DDX46: variants seen among roughly 807,000 people sequenced by gnomAD.
DDX46 encodes the protein DEAD-box helicase 46, also known as probable ATP-dependent RNA helicase DDX46.
In DDX46, 30 loss-of-function variants were observed where a neutral mutation model predicts 134.9. The observed-to-expected ratio is 0.22, with a 90% CI of 0.17 to 0.30. DDX46 has a LOEUF of 0.30. Among genes scored for constraint, DDX46 ranks in the 10% least tolerant of loss-of-function variants. The pLI, the probability that DDX46 is intolerant of heterozygous loss-of-function variation, is 1.00. For missense variants in DDX46, 622 were observed against 1,248.7 expected (o/e 0.50, Z 7.56); for synonymous variants, 415 against 404.1 (o/e 1.03, Z -0.32).
rs540366500 is a variant in DDX46 at position 134,796,223 on chromosome 5, ATACT to A, written c.1954+79_1954+82del. On this transcript the variant is annotated intron_variant, in intron 15 of 22. Transcript: ENST00000452510. Reference sequence around the variant, plus strand: ...CAAGCATTGTGCTGTGTTCTCGATGATACTTACTTTGTTCTCTATAATTCAGAAC... The same window carrying A: ...CAAGCATTGTGCTGTGTTCTCGATGATACTTTGTTCTCTATAATTCAGAAC... The A allele has an allele frequency of 2.1e-4, 316 of 1,508,808 alleles. No homozygotes were observed. The African/African-American group carries it at 3.0e-3, about 14-fold the overall frequency. 93.5% of individuals were successfully genotyped at this position (1,508,808 alleles called of 1,614,324 possible). A position where few individuals can be genotyped will look rare whatever the true frequency, so the allele number is the denominator to read the frequency against.
At chr5:134,765,381 T>TAAA (rs751912543) in intron 2 of DDX46, among the ~76,000 whole-genome samples, 3 of 97,290 alleles carry the variant, frequency 3.1e-5, no homozygotes, top group Admixed American at 1.1e-4. Context: ...CCGTCTCTAC[T>TAAA]AAAAAAAAAA....
At chr5:134,770,492 G>C (rs1211208120) in intron 3 of DDX46, among the ~76,000 whole-genome samples, 1 of 152,078 alleles carries the variant, frequency 6.6e-6, no homozygotes, top group Non-Finnish European at 1.5e-5. Flanking sequence ...GGGTATATAA[G>C]TGTGAGGCAC....
chr5:134,805,039 C>T, intron 15 of DDX46: 1 of 358,842 alleles, frequency 2.8e-6, no homozygotes, highest in South Asian at 2.6e-5. Flanking sequence ...TAAAGGTAAA[C>T]AATTCTATTA....
chr5:134,823,717 G>A (rs1413962424), intron 21 of DDX46, among the ~76,000 whole-genome samples: 1 of 152,112 alleles, frequency 6.6e-6, no homozygotes, highest in African/African-American at 2.4e-5. Flanking sequence ...TAGTGAAATG[G>A]GGATTGCTGA....
At chr5:134,811,906 T>C in intron 18 of DDX46, 61 bp downstream of exon 18, 1 of 1,557,948 alleles carries the variant, frequency 6.4e-7, no homozygotes, top group Non-Finnish European at 8.7e-7. Flanking sequence ...ACTGGAGGTC[T>C]TGCCATATAT....
rs1755664680 is a variant in DDX46 at position 134,828,989 on chromosome 5, A to G, written c.*283A>G. 1 of 241,658 alleles carries G rather than the reference A, an allele frequency of 4.1e-6. No homozygotes were observed. Among genetic ancestry groups the G allele is most frequent in the South Asian group, 1.8e-4 (1 of 5,650 alleles). The allele number at this position is 241,658 out of a possible 1,614,324, so 15.0% of individuals were successfully genotyped here. On this transcript the variant is annotated 3_prime_UTR_variant, in exon 23 of 23. Transcript: ENST00000452510. The stretch of plus-strand genomic sequence containing the variant: ...CGGATAATATTCTAGAGGTTTAAAA[A>G]ATGGAAATATTTGAACTTTCTATTG...
chr5:134,802,159 C>CTTTTT (rs542615882), intron 15 of DDX46, among the ~76,000 whole-genome samples: 242 of 73,088 alleles, frequency 3.3e-3, no homozygotes, highest in Non-Finnish European at 4.0e-3. Context: ...TAATTTCTTT[C>CTTTTT]TTTTTTTTTT....
chr5:134,764,547 T>A (rs1173861447), intron 2 of DDX46, among the ~76,000 whole-genome samples: 1 of 152,150 alleles, frequency 6.6e-6, no homozygotes, highest in East Asian at 1.9e-4. Context: ...CCTCCCAAAG[T>A]GCTGGGATTA....
At position 134,787,703 on chromosome 5, in the gene DDX46, T is replaced by C. The variant is rs555310039; in HGVS notation, c.1465-810T>C. Reference sequence around the variant, plus strand: ...GACTTCTGGTATTTTCCATTCCATTTCATTTAAAAAATGCTGGTTGTGGTT... The same window carrying C: ...GACTTCTGGTATTTTCCATTCCATTCCATTTAAAAAATGCTGGTTGTGGTT... On this transcript the variant is annotated intron_variant, in intron 11 of 22. Transcript: ENST00000452510. Among the ~76,000 whole-genome samples, 7 of 152,314 alleles carry C rather than the reference T, an allele frequency of 4.6e-5. No individual in the cohort carries two copies. The South Asian group carries it at 8.3e-4, about 18-fold the overall frequency.
At chr5:134,765,259 A>G (rs551601123) in intron 2 of DDX46, among the ~76,000 whole-genome samples, 3 of 151,530 alleles carry the variant, frequency 2.0e-5, no homozygotes, top group East Asian at 3.9e-4. Flanking sequence ...AATAGTGACA[A>G]AGTTGGCCAG....
chr5:134,781,790 A>T lies in DDX46; in HGVS notation c.880-131A>T, dbSNP rs1754162695. On this transcript the variant is annotated intron_variant, in intron 7 of 22. Transcript: ENST00000452510. ...ACTATAAAAATCTTGTGGGTCAAAC[A>T]GTGTGTCGTAGAAAGTAAAATATTA... is the stretch of plus-strand genomic sequence containing the variant. 8 of 845,190 alleles carry T rather than the reference A, an allele frequency of 9.5e-6. No individual in the cohort carries two copies. The Admixed American group carries it at 2.7e-4, about 29-fold the overall frequency. 52.4% of individuals were successfully genotyped at this position (845,190 alleles called of 1,614,324 possible).
chr5:134,802,282 A>G (rs562408301), intron 15 of DDX46, among the ~76,000 whole-genome samples: 181 of 148,766 alleles, frequency 1.2e-3, no homozygotes, highest in Admixed American at 2.4e-3. Flanking sequence ...TTTGTGCCTC[A>G]GCCTCCTGAG....
intron 13 of DDX46, among the ~76,000 whole-genome samples, chr5:134,794,350 A>C (rs2150147944): frequency 6.6e-6 from 1 of 152,262 alleles, no homozygotes; most frequent in African/African-American, 2.4e-5. Context: ...GAAGTTGCAA[A>C]CCTTCTGTAG....
chr5:134,809,389 A>T (rs1268202010), intron 16 of DDX46, among the ~76,000 whole-genome samples: 1 of 152,070 alleles, frequency 6.6e-6, no homozygotes, highest in Non-Finnish European at 1.5e-5. Flanking sequence ...TTTTTTTGAG[A>T]TGGAGTCTCG....
chr5:134,807,917 G>T lies in DDX46; in HGVS notation c.2124G>T (p.Gly708=). 6.2e-7 allele frequency: 1 copy of T among 1,604,368 alleles called. No homozygotes were observed. Among genetic ancestry groups the T allele is most frequent in the Middle Eastern group, 1.7e-4 (1 of 6,034 alleles). ...ATGAGGATTATGTACACAGAGCAGG[G>T]CGGACTGGAAGAGCAGGAAACAAGG... ...NHYEDYVHRA[G]RTGRAGNKGY... is the part of the protein sequence containing the mutation. Residue 708 remains glycine (G), a synonymous_variant, in exon 16 of 23, where the codon GGG becomes GGT. Coordinates refer to ENST00000452510, the MANE Select transcript of DDX46 (RefSeq NM_001300860.2).
chr5:134,762,220 G>A (rs559783475), intron 1 of DDX46, among the ~76,000 whole-genome samples: 1 of 144,870 alleles, frequency 6.9e-6, no homozygotes, highest in East Asian at 2.1e-4. Context: ...AGACAATCCT[G>A]AGCAACATAG....
At chr5:134,770,816 C>CAA (rs34760153) in intron 3 of DDX46, 87 bp from the exon 4 acceptor site, 15,392 of 905,340 alleles carry the variant, frequency 0.017, no homozygotes, top group Non-Finnish European at 0.019. Flanking sequence ...GACACTGTCT[C>CAA]AAAAAAAAAA....
chr5:134,806,974 A>T (rs575511666), intron 15 of DDX46, among the ~76,000 whole-genome samples: 63 of 152,108 alleles, frequency 4.1e-4, no homozygotes, highest in African/African-American at 1.4e-3. Flanking sequence ...TTTAATTTGC[A>T]TATGATAATC....
intron 3 of DDX46, among the ~76,000 whole-genome samples, chr5:134,767,569 G>C (rs560882783): frequency 1.3e-5 from 2 of 152,098 alleles, no homozygotes; most frequent in South Asian, 4.1e-4. Context: ...TCGAACTCCT[G>C]ACCTCAAGTG....
Sources: gnomAD v4.1 joint callset for allele counts (sites outside exome capture counted in the v4.1 genomes callset) on GRCh38, gnomAD v4.1.1 for gene constraint, MANE v1.5 for transcripts, NCBI Gene and HGNC (gene_info 2026-07-23, HGNC 2026-07-21) for gene names.